Variants in NOS1AP observed in about 807,000 individuals in gnomAD.
NOS1AP encodes nitric oxide synthase 1 adaptor protein.
In NOS1AP, 21 loss-of-function variants were observed where a neutral mutation model predicts 56.2. The ratio of observed to expected loss-of-function variants is 0.37; its 90% CI spans 0.26 to 0.54. The LOEUF (loss-of-function observed/expected upper bound fraction) is 0.54, where lower values mean the gene tolerates loss of function less well. NOS1AP is among the 20% of genes least tolerant of loss of function. The pLI, the probability that NOS1AP is intolerant of heterozygous loss-of-function variation, is 0.84. For missense variants in NOS1AP, 522 were observed against 657.8 expected, an observed-to-expected ratio of 0.79 and a Z score of 2.26; for synonymous variants, 270 against 274.6, an observed-to-expected ratio of 0.98 and a Z score of 0.17.
intron 2 of NOS1AP, among the ~76,000 whole-genome samples, chr1:162,171,905 C>T (rs1211817407): frequency 6.6e-6 from 1 of 152,176 alleles, no homozygotes; most frequent in Non-Finnish European, 1.5e-5. Context: ...TCCCATACCA[C>T]CCTTTTTAGG....
intron 2 of NOS1AP, among the ~76,000 whole-genome samples, chr1:162,176,176 T>A (rs114720382): frequency 0.02 from 3,104 of 152,266 alleles, 40 homozygotes; most frequent in Non-Finnish European, 0.024. Flanking sequence ...TGATTTTTTT[T>A]AAAAAATTTG....
chr1:162,186,581 A>T (rs544151800), intron 2 of NOS1AP, among the ~76,000 whole-genome samples: 8 of 152,040 alleles, frequency 5.3e-5, no homozygotes, highest in Non-Finnish European at 8.8e-5. Context: ...TGGTAATTAG[A>T]CTTGGATTAG....
At chr1:162,183,807 G>T (rs1313358856) in intron 2 of NOS1AP, among the ~76,000 whole-genome samples, 1 of 152,234 alleles carries the variant, frequency 6.6e-6, no homozygotes, top group Non-Finnish European at 1.5e-5. Context: ...GGAGAATGTT[G>T]TGGCTGGTTT....
chr1:162,112,881 G>A (rs1647764602), intron 1 of NOS1AP, among the ~76,000 whole-genome samples: 1 of 152,150 alleles, frequency 6.6e-6, no homozygotes, highest in African/African-American at 2.4e-5. Context: ...ATAAATTTAT[G>A]TTCTTTATAA....
intron 1 of NOS1AP, 149 bp downstream of exon 1, chr1:162,070,431 G>A: frequency 3.0e-6 from 2 of 677,240 alleles, no homozygotes; most frequent in Non-Finnish European, 5.3e-6. Flanking sequence ...TCTCCCTTCT[G>A]AGTCTATAAT....
chr1:162,168,940 G>T (rs1486543794), intron 2 of NOS1AP, among the ~76,000 whole-genome samples: 1 of 152,200 alleles, frequency 6.6e-6, no homozygotes, highest in Non-Finnish European at 1.5e-5. Flanking sequence ...CTTTGGGTTG[G>T]GTTGGCTCTG....
At chr1:162,214,170 A>G (rs959251046) in intron 2 of NOS1AP, among the ~76,000 whole-genome samples, 19 of 152,252 alleles carry the variant, frequency 1.2e-4, no homozygotes, top group African/African-American at 4.6e-4. Context: ...CTGTGGGACC[A>G]GAGTTCCTTT....
chr1:162,219,562 ACTGTTG>A (rs777024839), intron 2 of NOS1AP, among the ~76,000 whole-genome samples: 1 of 152,146 alleles, frequency 6.6e-6, no homozygotes, highest in Non-Finnish European at 1.5e-5. Context: ...TTAAAGGGTT[ACTGTTG>A]CTGGCATCAT....
Position 162,188,908 on chromosome 1 carries a change from CA to C in NOS1AP, c.177+34437del, listed in dbSNP as rs1426312200. Among the ~76,000 whole-genome samples the C allele has an allele frequency of 2.0e-5, 3 of 151,906 alleles. No homozygotes were observed. The highest frequency in any genetic ancestry group is 4.8e-5 in the African/African-American group (2 of 41,330). ...TTTAGAAACTCCATCTCTAAAAATA[CA>C]AAAATTAGCTGGGCACAGTGGCCTG... On this transcript the variant is annotated intron_variant, in intron 2 of 9. Coordinates refer to ENST00000361897, the MANE Select transcript of NOS1AP (RefSeq NM_014697.3). The surrounding 1 kb of genome is among the most constrained non-coding windows in gnomAD (Gnocchi z 4.0).
At chr1:162,140,485 T>C (rs946688045) in intron 1 of NOS1AP, among the ~76,000 whole-genome samples, 1 of 152,236 alleles carries the variant, frequency 6.6e-6, no homozygotes, top group African/African-American at 2.4e-5. Context: ...ATTTCTTTCT[T>C]TTTTTCACTG....
intron 2 of NOS1AP, among the ~76,000 whole-genome samples, chr1:162,238,208 G>A (rs1168092429): frequency 2.0e-5 from 3 of 152,114 alleles, no homozygotes; most frequent in African/African-American, 7.2e-5. Context: ...TGGGGGAGAA[G>A]GAGGGAGAAT....
chr1:162,081,196 G>C lies in NOS1AP; in HGVS notation c.105+10914G>C, dbSNP rs73023256. Among the ~76,000 whole-genome samples the C allele has an allele frequency of 7.4e-3, 1,134 of 152,250 alleles. 16 individuals are homozygous for C. Among genetic ancestry groups the C allele is most frequent in the African/African-American group, 0.027 (1,107 of 41,538 alleles). On this transcript the variant is annotated intron_variant, in intron 1 of 9. Transcript: ENST00000361897. ...CATGGGGATAGGTTTTATTGTTCCA[G>C]TTTTTCAGAGGAGGGTCTTTTAGGT...
At chr1:162,235,660 G>A (rs1467816471) in intron 2 of NOS1AP, among the ~76,000 whole-genome samples, 6 of 152,100 alleles carry the variant, frequency 3.9e-5, no homozygotes, top group South Asian at 2.1e-4. Context: ...GCCTGTGTAC[G>A]TGGTTTTAAT....
At chr1:162,089,211 G>GT (rs1240030315) in intron 1 of NOS1AP, among the ~76,000 whole-genome samples, 1 of 152,188 alleles carries the variant, frequency 6.6e-6, no homozygotes, top group African/African-American at 2.4e-5. Flanking sequence ...AAACATACTT[G>GT]TGTGTTCATA....
intron 2 of NOS1AP, among the ~76,000 whole-genome samples, chr1:162,273,488 A>T (rs888668126): frequency 4.6e-5 from 7 of 152,084 alleles, no homozygotes; most frequent in Non-Finnish European, 1.0e-4. Flanking sequence ...TTGACCTGGG[A>T]ACAGTTAGTT....
At chr1:162,243,115 C>T (rs1173097040) in intron 2 of NOS1AP, among the ~76,000 whole-genome samples, 1 of 152,154 alleles carries the variant, frequency 6.6e-6, no homozygotes, top group East Asian at 1.9e-4. Context: ...GTGCTATCTG[C>T]TTCTGCTTTA....
chr1:162,302,751 A>G (rs759083001), intron 4 of NOS1AP, among the ~76,000 whole-genome samples: 1 of 152,198 alleles, frequency 6.6e-6, no homozygotes. Flanking sequence ...GAACATATCT[A>G]TCACCCCAAA....
chr1:162,173,388 C>G (rs1354997269), intron 2 of NOS1AP, among the ~76,000 whole-genome samples: 1 of 152,076 alleles, frequency 6.6e-6, no homozygotes. Flanking sequence ...GAAACTGGAT[C>G]CCTTCCTTAC....
chr1:162,183,724 C>A (rs1354100797), intron 2 of NOS1AP, among the ~76,000 whole-genome samples: 1 of 152,258 alleles, frequency 6.6e-6, no homozygotes, highest in African/African-American at 2.4e-5. Flanking sequence ...TTTTCTTCTG[C>A]AGCTTCGTTC....
Sources: allele counts gnomAD v4.1 joint callset (sites outside exome capture counted in the v4.1 genomes callset), GRCh38; gene constraint gnomAD v4.1.1; non-coding constraint Gnocchi (gnomAD v3.1); transcripts MANE v1.5; gene names NCBI Gene and HGNC (gene_info 2026-07-23, HGNC 2026-07-21).